The following ZNF827 variants were observed in gnomAD, a reference collection of about 807,000 sequenced individuals.
ZNF827 encodes the protein zinc finger protein 827.
A neutral mutation model predicts 102.4 loss-of-function variants in ZNF827; 13 were observed. The ratio of observed to expected loss-of-function variants is 0.13; its 90% CI spans 0.08 to 0.20. The LOEUF (loss-of-function observed/expected upper bound fraction) is 0.20. ZNF827 is among the 10% of genes least tolerant of loss of function. The pLI, the probability that ZNF827 is intolerant of heterozygous loss-of-function variation, is 1.00. For missense variants in ZNF827, 1,103 were observed against 1,344.4 expected (o/e 0.82, Z 2.81); for synonymous variants, 523 against 536.2 (o/e 0.98, Z 0.34).
intron 4 of ZNF827, among the ~76,000 whole-genome samples, chr4:145,876,144 T>G (rs1048102308): frequency 6.6e-6 from 1 of 152,212 alleles, no homozygotes; most frequent in Non-Finnish European, 1.5e-5. Context: ...TTCAGGCCTA[T>G]GCATGTGTGT....
At position 145,885,912 on chromosome 4, in the gene ZNF827, T is replaced by C. The variant is rs1750081136; in HGVS notation, c.1513A>G (p.Asn505Asp). 1.2e-6 allele frequency: 2 copies of C among 1,614,220 alleles called. No individual in the cohort carries two copies. The highest frequency in any genetic ancestry group is 2.2e-5 in the East Asian group (1 of 44,882). The change falls in exon 4 of 15, where the codon AAC (asparagine) becomes GAC (aspartate). Residue 505 changes from asparagine (N) to aspartate (D), a missense_variant. Transcript: ENST00000508784. ...TELVGTMMTS[N>D]TPERTSQGGA... ...CCCTGGCTAGTCCTCTCTGGAGTGT[T>C]AGACGTCATCATGGTCCCCACTAGC...
intron 5 of ZNF827, among the ~76,000 whole-genome samples, chr4:145,866,483 A>T (rs1479349540): frequency 6.6e-6 from 1 of 152,214 alleles, no homozygotes; most frequent in Admixed American, 6.5e-5. Flanking sequence ...GTTCTCCAGG[A>T]CTAGGCAGGA....
At chr4:145,925,418 A>T (rs1166019623) in intron 1 of ZNF827, among the ~76,000 whole-genome samples, 1 of 152,160 alleles carries the variant, frequency 6.6e-6, no homozygotes, top group Non-Finnish European at 1.5e-5. Flanking sequence ...TTCCTCAAAC[A>T]TTTACCCATC....
chr4:145,768,808 G>A (rs1410473411), intron 11 of ZNF827, among the ~76,000 whole-genome samples: 1 of 126,638 alleles, frequency 7.9e-6, no homozygotes, highest in Non-Finnish European at 1.6e-5. Flanking sequence ...GTGGTGAGTG[G>A]AGATGGCACC....
chr4:145,901,093 T>C (rs1751372809), intron 2 of ZNF827, among the ~76,000 whole-genome samples: 2 of 152,238 alleles, frequency 1.3e-5, no homozygotes, highest in African/African-American at 4.8e-5. Flanking sequence ...AAATTTGTCA[T>C]AAATGCATCA....
chr4:145,922,033 A>G (rs1753108181), intron 1 of ZNF827, among the ~76,000 whole-genome samples: 1 of 152,244 alleles, frequency 6.6e-6, no homozygotes, highest in South Asian at 2.1e-4. Flanking sequence ...ACATTGTAAG[A>G]TAATTCAAAG....
At chr4:145,785,968 G>T (rs2127020647) in intron 8 of ZNF827, among the ~76,000 whole-genome samples, 1 of 152,298 alleles carries the variant, frequency 6.6e-6, no homozygotes, top group East Asian at 1.9e-4. Flanking sequence ...GTTAGAAAGT[G>T]TAATATGTCA....
chr4:145,913,942 C>G (rs527507684), intron 1 of ZNF827, among the ~76,000 whole-genome samples: 1 of 152,090 alleles, frequency 6.6e-6, no homozygotes, highest in South Asian at 2.1e-4. Context: ...AATGAACACC[C>G]CCAATAGCCC....
intron 1 of ZNF827, among the ~76,000 whole-genome samples, chr4:145,919,598 C>G (rs1752914374): frequency 6.6e-6 from 1 of 152,200 alleles, no homozygotes; most frequent in Non-Finnish European, 1.5e-5. Context: ...TAAACAAGCT[C>G]TTAGACATGG....
intron 1 of ZNF827, among the ~76,000 whole-genome samples, chr4:145,927,871 A>T (rs12331575): frequency 0.068 from 10,371 of 152,286 alleles, 628 homozygotes; most frequent in African/African-American, 0.16. Context: ...TAATACAAAC[A>T]GAAGGTTTGA....
intron 1 of ZNF827, among the ~76,000 whole-genome samples, chr4:145,937,583 C>T (rs1754298474): frequency 6.8e-6 from 1 of 146,396 alleles, no homozygotes; most frequent in Non-Finnish European, 1.5e-5. Context: ...CCGGCGCGCC[C>T]CCTCGCCTCG....
chr4:145,874,750 C>G (rs1313481220), intron 4 of ZNF827, among the ~76,000 whole-genome samples: 3 of 152,176 alleles, frequency 2.0e-5, no homozygotes, highest in African/African-American at 7.2e-5. Flanking sequence ...ACAACACCTG[C>G]CTTGACTTCT....
intron 13 of ZNF827, among the ~76,000 whole-genome samples, chr4:145,764,052 T>A (rs1199794732): frequency 6.6e-6 from 1 of 152,246 alleles, no homozygotes; most frequent in Non-Finnish European, 1.5e-5. Context: ...GCCACCTCTC[T>A]GGCAGGTTGT....
intron 4 of ZNF827, among the ~76,000 whole-genome samples, chr4:145,883,136 T>C (rs915505154): frequency 6.6e-6 from 1 of 152,068 alleles, no homozygotes; most frequent in African/African-American, 2.4e-5. Flanking sequence ...CTGAGCTGCA[T>C]TGCCACAGTC....
At chr4:145,894,264 T>C (rs1339633254) in intron 2 of ZNF827, among the ~76,000 whole-genome samples, 2 of 152,138 alleles carry the variant, frequency 1.3e-5, no homozygotes, top group African/African-American at 2.4e-5. Flanking sequence ...AAAAATGGTA[T>C]CTTTTTATTT....
At chr4:145,870,149 C>T (rs1748551486) in intron 5 of ZNF827, 96 bp downstream of exon 5, 3 of 1,151,820 alleles carry the variant, frequency 2.6e-6, no homozygotes, top group Admixed American at 4.7e-5. Context: ...TGCGATATTG[C>T]TGCCATTGGG....
chr4:145,892,162 A>G, intron 3 of ZNF827, 81 bp downstream of exon 3: 3 of 1,406,478 alleles, frequency 2.1e-6, no homozygotes, highest in Non-Finnish European at 1.9e-6. Context: ...CCCTCGGCCA[A>G]GAAGCCTCCT....
intron 8 of ZNF827, among the ~76,000 whole-genome samples, chr4:145,787,195 T>C (rs1012769591): frequency 2.6e-5 from 4 of 152,218 alleles, no homozygotes; most frequent in Non-Finnish European, 5.9e-5. Flanking sequence ...CCGGGCGCAG[T>C]GGCTCAGGCC....
chr4:145,898,079 C>CGGGAGGCGGAGGCTGCA (rs1458987655), intron 2 of ZNF827, among the ~76,000 whole-genome samples: 3 of 152,104 alleles, frequency 2.0e-5, no homozygotes, highest in Admixed American at 2.0e-4. Context: ...TGCTTGAACC[C>CGGGAGGCGGAGGCTGCA]GGGAGGCGGA....
Sources: gnomAD v4.1 joint callset for allele counts (sites outside exome capture counted in the v4.1 genomes callset) on GRCh38, gnomAD v4.1.1 for gene constraint, MANE v1.5 for transcripts, NCBI Gene and HGNC (gene_info 2026-07-23, HGNC 2026-07-21) for gene names.